The following EFCAB11 variants were observed in gnomAD, a reference collection of about 807,000 sequenced individuals.
EFCAB11 encodes EF-hand calcium binding domain 11, also known as EF-hand calcium-binding domain-containing protein 11.
A neutral mutation model predicts 23.0 loss-of-function variants in EFCAB11; 14 were observed. The observed-to-expected ratio is 0.61, with a 90% CI of 0.40 to 0.95. EFCAB11 has a LOEUF of 0.95. Ranked by LOEUF, EFCAB11 falls within the 40% of genes least tolerant of loss-of-function variation. The pLI is 0.00. For synonymous variants in EFCAB11, 65 were observed against 66.6 expected (o/e 0.98, Z 0.11); for missense variants, 198 against 195.8 (o/e 1.01, Z -0.07).
intron 5 of EFCAB11, among the ~76,000 whole-genome samples, chr14:89,893,692 C>T (rs1889060058): frequency 6.6e-6 from 1 of 151,864 alleles, no homozygotes. Context: ...CAAGTTATCC[C>T]CCTGCCCAAT....
intron 5 of EFCAB11, among the ~76,000 whole-genome samples, chr14:89,867,851 G>T (rs1358007577): frequency 2.0e-5 from 3 of 152,202 alleles, no homozygotes; most frequent in Non-Finnish European, 4.4e-5. Flanking sequence ...GGGAACCCCT[G>T]TGGCAGGAGG....
chr14:89,900,312 TA>T (rs940591799), intron 5 of EFCAB11, among the ~76,000 whole-genome samples: 12 of 151,490 alleles, frequency 7.9e-5, no homozygotes, highest in African/African-American at 2.9e-4. Context: ...CACGAATGAT[TA>T]AAAAAAAATC....
chr14:89,888,436 G>A (rs751588582), intron 5 of EFCAB11, among the ~76,000 whole-genome samples: 27 of 152,228 alleles, frequency 1.8e-4, no homozygotes, highest in Non-Finnish European at 3.2e-4. Context: ...TTCTGGGGAA[G>A]CCTACAATCA....
chr14:89,917,784 G>C (rs1297289046), intron 5 of EFCAB11, among the ~76,000 whole-genome samples: 3 of 152,218 alleles, frequency 2.0e-5, no homozygotes, highest in Admixed American at 2.0e-4. Context: ...CGAATTAGTT[G>C]TTTGGTTTGA....
At chr14:89,901,241 T>G (rs1440165915) in intron 5 of EFCAB11, among the ~76,000 whole-genome samples, 1 of 152,234 alleles carries the variant, frequency 6.6e-6, no homozygotes, top group African/African-American at 2.4e-5. Context: ...TTATGTCTTG[T>G]ATCGCCAGTG....
In EFCAB11 at chr14:89,797,191, G is replaced by T; in HGVS notation, c.*52C>A. Reference sequence around the variant, plus strand: ...CATCATTAGTAGAGTCGAGTCTGCTGACATTACAATCTATTGATCTCCCCA... The same window carrying T: ...CATCATTAGTAGAGTCGAGTCTGCTTACATTACAATCTATTGATCTCCCCA... On this transcript the variant is annotated 3_prime_UTR_variant, in exon 6 of 6. Coordinates refer to ENST00000316738, the MANE Select transcript of EFCAB11 (RefSeq NM_145231.4). 3 of 1,506,240 alleles carry T rather than the reference G, an allele frequency of 2.0e-6. No individual in the cohort carries two copies. Among genetic ancestry groups the T allele is most frequent in the South Asian group, 2.3e-5 (2 of 87,360 alleles). The allele number at this position is 1,506,240 out of a possible 1,614,324, so 93.3% of individuals were successfully genotyped here.
chr14:89,879,716 T>C (rs1888545571), intron 5 of EFCAB11, among the ~76,000 whole-genome samples: 1 of 152,214 alleles, frequency 6.6e-6, no homozygotes, highest in Non-Finnish European at 1.5e-5. Flanking sequence ...TATAGACTCT[T>C]GTTCCTATTA....
chr14:89,931,674 C>A, intron 4 of EFCAB11, 43 bp from the exon 5 acceptor site: 2 of 1,523,986 alleles, frequency 1.3e-6, no homozygotes, highest in South Asian at 1.1e-5. Flanking sequence ...TTTAATAAGA[C>A]CTATCAACTG....
At chr14:89,878,316 G>A (rs1465852845) in intron 5 of EFCAB11, among the ~76,000 whole-genome samples, 1 of 152,130 alleles carries the variant, frequency 6.6e-6, no homozygotes, top group Non-Finnish European at 1.5e-5. Flanking sequence ...GCCAGGTATG[G>A]GATGAATTAA....
chr14:89,864,968 G>T (rs1888038030), intron 5 of EFCAB11, among the ~76,000 whole-genome samples: 1 of 152,176 alleles, frequency 6.6e-6, no homozygotes, highest in Non-Finnish European at 1.5e-5. Flanking sequence ...GATACTCCTG[G>T]ACCTAATAAT....
chr14:89,852,092 C>T (rs905903450), intron 5 of EFCAB11, among the ~76,000 whole-genome samples: 6 of 152,290 alleles, frequency 3.9e-5, no homozygotes, highest in South Asian at 2.1e-4. Context: ...ACACATCACA[C>T]GTTTATTTGC....
intron 5 of EFCAB11, among the ~76,000 whole-genome samples, chr14:89,908,711 C>T (rs1889570834): frequency 6.6e-6 from 1 of 152,010 alleles, no homozygotes; most frequent in Non-Finnish European, 1.5e-5. Context: ...CCTCACCTTA[C>T]CTCAATCCAT....
intron 5 of EFCAB11, among the ~76,000 whole-genome samples, chr14:89,911,561 C>T (rs888812541): frequency 6.6e-6 from 1 of 152,220 alleles, no homozygotes; most frequent in African/African-American, 2.4e-5. Flanking sequence ...CTGCCTGTAG[C>T]AGCCTTCTCT....
chr14:89,894,205 C>T (rs1478144656), intron 5 of EFCAB11, among the ~76,000 whole-genome samples: 1 of 152,056 alleles, frequency 6.6e-6, no homozygotes, highest in Non-Finnish European at 1.5e-5. Flanking sequence ...CCGCCTCAGC[C>T]TCCCAAAGTG....
At chr14:89,886,441 C>T (rs1262662615) in intron 5 of EFCAB11, among the ~76,000 whole-genome samples, 2 of 145,136 alleles carry the variant, frequency 1.4e-5, no homozygotes, top group African/African-American at 5.1e-5. Context: ...TGGCATGAAC[C>T]CTGGGGGCGG....
At chr14:89,888,872 C>T (rs1888874138) in intron 5 of EFCAB11, among the ~76,000 whole-genome samples, 1 of 152,204 alleles carries the variant, frequency 6.6e-6, no homozygotes, top group Non-Finnish European at 1.5e-5. Flanking sequence ...TGGACTAAGA[C>T]AGCTGTCCTG....
intron 5 of EFCAB11, among the ~76,000 whole-genome samples, chr14:89,884,753 T>C (rs762873302): frequency 1.3e-5 from 2 of 152,256 alleles, no homozygotes; most frequent in African/African-American, 2.4e-5. Flanking sequence ...CTCTAAATTC[T>C]GTGTCGAATC....
intron 5 of EFCAB11, among the ~76,000 whole-genome samples, chr14:89,901,155 C>T (rs527522134): frequency 5.9e-5 from 9 of 152,330 alleles, no homozygotes; most frequent in African/African-American, 2.2e-4. Context: ...CTTACCCCTA[C>T]TCTTCCCAGA....
intron 5 of EFCAB11, chr14:89,923,629 G>C: frequency 1.1e-6 from 1 of 922,598 alleles, no homozygotes. Flanking sequence ...TGATTTGTAG[G>C]TGTTTTTATG....
Sources: gnomAD v4.1 joint callset for allele counts (sites outside exome capture counted in the v4.1 genomes callset) on GRCh38, gnomAD v4.1.1 for gene constraint, MANE v1.5 for transcripts, NCBI Gene and HGNC (gene_info 2026-07-23, HGNC 2026-07-21) for gene names.